Variants in TRAPPC9 observed in about 807,000 individuals in gnomAD.
The protein encoded by TRAPPC9 is trafficking protein particle complex subunit 9.
TRAPPC9 carries 83 observed loss-of-function variants against 124.0 expected under a neutral mutation model. That is an observed-to-expected ratio of 0.67 (90% confidence interval 0.56 to 0.80). The LOEUF is 0.80. Among genes scored for constraint, TRAPPC9 ranks in the 30% least tolerant of loss-of-function variants. The pLI, the probability that TRAPPC9 is intolerant of heterozygous loss-of-function variation, is 0.00. For missense variants in TRAPPC9, 1,302 were observed against 1,508.3 expected (o/e 0.86, Z 2.27); for synonymous variants, 638 against 617.5 (o/e 1.03, Z -0.49).
chr8:140,136,167 A>G (rs2061300354), intron 17 of TRAPPC9, among the ~76,000 whole-genome samples: 1 of 152,052 alleles, frequency 6.6e-6, no homozygotes, highest in Non-Finnish European at 1.5e-5. Flanking sequence ...AAAAATAGAC[A>G]AGGGCAGTGG....
At chr8:139,778,706 A>G (rs1235391153) in intron 21 of TRAPPC9, among the ~76,000 whole-genome samples, 1 of 152,242 alleles carries the variant, frequency 6.6e-6, no homozygotes, top group Non-Finnish European at 1.5e-5. Context: ...AGACACAGCT[A>G]TACAAACTAT....
intron 19 of TRAPPC9, among the ~76,000 whole-genome samples, chr8:139,938,813 T>C (rs2131428907): frequency 6.7e-6 from 1 of 149,178 alleles, no homozygotes; most frequent in South Asian, 2.2e-4. Flanking sequence ...GCCCGGCTAA[T>C]TTTTTGTATT....
At chr8:140,407,190 C>T (rs907723901) in intron 5 of TRAPPC9, among the ~76,000 whole-genome samples, 9 of 152,204 alleles carry the variant, frequency 5.9e-5, no homozygotes, top group Non-Finnish European at 1.3e-4. Flanking sequence ...AATCTCCTTA[C>T]TAGTTCTCAC....
chr8:140,138,023 G>C (rs547510324), intron 17 of TRAPPC9, among the ~76,000 whole-genome samples: 226 of 152,208 alleles, frequency 1.5e-3, no homozygotes, highest in African/African-American at 5.2e-3. Flanking sequence ...GCAGCTGACC[G>C]GGTGCACTGG....
chr8:140,163,380 C>T (rs1165194109), intron 17 of TRAPPC9, among the ~76,000 whole-genome samples: 1 of 152,346 alleles, frequency 6.6e-6, no homozygotes, highest in Non-Finnish European at 1.5e-5. Flanking sequence ...AGTCAGCATT[C>T]AGCAGAAAAC....
intron 19 of TRAPPC9, among the ~76,000 whole-genome samples, chr8:139,910,670 T>C (rs1831665438): frequency 1.3e-5 from 2 of 152,168 alleles, no homozygotes; most frequent in African/African-American, 4.8e-5. Context: ...TGACAATTAT[T>C]TAACCCTGGG....
At position 139,825,828 on chromosome 8, in the gene TRAPPC9, C is replaced by CGTTG. The variant is rs1300725705; in HGVS notation, c.3055+60050_3055+60051insCAAC. On this transcript the variant is annotated intron_variant, in intron 21 of 22. Coordinates refer to ENST00000438773, the MANE Select transcript of TRAPPC9 (RefSeq NM_001160372.4). This position sits in a 1 kb window ranked among gnomAD's most constrained non-coding sequence, Gnocchi z 4.6. ...GACGATGGCCGGAGCTGAGTGTCAA[C>CGTTG]GCCCAAGGATTTCCAGGGCTTCCTC... 6.6e-6 allele frequency among the ~76,000 whole-genome samples: 1 copy of CGTTG among 152,062 alleles called. No homozygotes were observed. The highest frequency in any genetic ancestry group is 1.5e-5 in the Non-Finnish European group (1 of 68,024).
intron 19 of TRAPPC9, chr8:139,931,068 A>G (rs1206629920): frequency 6.6e-6 from 1 of 152,126 alleles, no homozygotes; most frequent in Non-Finnish European, 1.5e-5. Context: ...CCCACCTCCC[A>G]AACTGCCCCA....
chr8:140,202,435 T>A (rs890943058), intron 17 of TRAPPC9, among the ~76,000 whole-genome samples: 12 of 152,188 alleles, frequency 7.9e-5, no homozygotes, highest in African/African-American at 2.9e-4. Context: ...AAAAGTAGCA[T>A]CTTGTTTCTG....
chr8:139,890,843 T>C lies in TRAPPC9; in HGVS notation c.2965-4874A>G, dbSNP rs28529188. 2.7e-5 allele frequency among the ~76,000 whole-genome samples: 4 copies of C among 149,670 alleles called. No individual in the cohort carries two copies. In the East Asian group the frequency reaches 5.8e-4, roughly 22 times the overall value. ...CACATGTACCCTAAAACTTAAAGTA[T>C]AATAAAAAATAAAAAAATTTAAAAA... On this transcript the variant is annotated intron_variant, in intron 20 of 22. Coordinates refer to ENST00000438773, the MANE Select transcript of TRAPPC9 (RefSeq NM_001160372.4).
chr8:139,746,372 G>A (rs141466850), intron 21 of TRAPPC9, among the ~76,000 whole-genome samples: 16 of 152,212 alleles, frequency 1.1e-4, no homozygotes, highest in East Asian at 1.9e-4. Flanking sequence ...AACCTGGACC[G>A]TAAACACATC....
intron 16 of TRAPPC9, among the ~76,000 whole-genome samples, chr8:140,249,500 T>C (rs139603836): frequency 6.6e-6 from 1 of 152,264 alleles, no homozygotes; most frequent in African/African-American, 2.4e-5. Context: ...TTTTAATAAT[T>C]TGACATTTTT....
intron 9 of TRAPPC9, among the ~76,000 whole-genome samples, chr8:140,352,346 A>G (rs762181294): frequency 1.3e-5 from 2 of 152,218 alleles, no homozygotes; most frequent in Non-Finnish European, 2.9e-5. Flanking sequence ...GACAGCAGCT[A>G]TGGGGAGAGA....
chr8:139,836,445 G>GCCA (rs1826355608), intron 21 of TRAPPC9, among the ~76,000 whole-genome samples: 1 of 140,810 alleles, frequency 7.1e-6, no homozygotes, highest in Non-Finnish European at 1.5e-5. Flanking sequence ...TGCATGGGAA[G>GCCA]CCGCTGGGGG....
intron 21 of TRAPPC9, among the ~76,000 whole-genome samples, chr8:139,864,465 T>C (rs1393458429): frequency 2.0e-5 from 3 of 152,204 alleles, no homozygotes; most frequent in African/African-American, 7.2e-5. Context: ...TCTTTTGAAA[T>C]TCATTTTCTC....
chr8:140,393,561 T>C (rs2068995818), intron 7 of TRAPPC9, among the ~76,000 whole-genome samples: 1 of 152,212 alleles, frequency 6.6e-6, no homozygotes, highest in African/African-American at 2.4e-5. Flanking sequence ...AACTCAGCAG[T>C]GAATTCCGTA....
intron 19 of TRAPPC9, among the ~76,000 whole-genome samples, chr8:139,939,225 T>C (rs1434603529): frequency 6.6e-6 from 1 of 151,748 alleles, no homozygotes; most frequent in Non-Finnish European, 1.5e-5. Flanking sequence ...AAGCCCAGAG[T>C]CCAAGGAAGG....
chr8:139,757,659 G>A (rs1444068297), intron 21 of TRAPPC9, among the ~76,000 whole-genome samples: 1 of 152,070 alleles, frequency 6.6e-6, no homozygotes, highest in Non-Finnish European at 1.5e-5. Context: ...GCCATCTAGA[G>A]GGAGTCCCCC....
At chr8:140,137,728 T>C (rs1470538418) in intron 17 of TRAPPC9, among the ~76,000 whole-genome samples, 2 of 152,256 alleles carry the variant, frequency 1.3e-5, no homozygotes, top group African/African-American at 2.4e-5. Context: ...CAATCCTACG[T>C]AGTAGATATT....
Sources: gnomAD v4.1 joint callset for allele counts (sites outside exome capture counted in the v4.1 genomes callset) on GRCh38, gnomAD v4.1.1 for gene constraint, Gnocchi (gnomAD v3.1) non-coding constraint, MANE v1.5 for transcripts, NCBI Gene and HGNC (gene_info 2026-07-23, HGNC 2026-07-21) for gene names.